MAEA: variants seen among roughly 807,000 people sequenced by gnomAD.
MAEA encodes the protein E3 ubiquitin-protein transferase MAEA.
MAEA carries 22 observed loss-of-function variants against 46.2 expected under a neutral mutation model. That is an observed-to-expected ratio of 0.48 (90% CI 0.34 to 0.68). The LOEUF is 0.68. MAEA is among the 30% of genes least tolerant of loss of function. The pLI, the probability that MAEA is intolerant of heterozygous loss-of-function variation, is 0.01. For synonymous variants in MAEA, 246 were observed against 222.6 expected (o/e 1.11, Z -0.94); for missense variants, 393 against 558.1 (o/e 0.70, Z 2.98).
chr4:1,328,691 G>A (rs1012314335), intron 5 of MAEA: 43 of 1,279,906 alleles, frequency 3.4e-5, no homozygotes, highest in African/African-American at 2.7e-4. Context: ...GGCGTCTCAC[G>A]ATGAGGTGCT....
intron 2 of MAEA, chr4:1,312,620 G>T: frequency 5.9e-6 from 1 of 168,876 alleles, no homozygotes; most frequent in Non-Finnish European, 1.3e-5. Context: ...AGTAGAGACA[G>T]GGTTTCACCA....
rs561346608 is a variant in MAEA, at chr4:1,338,670, G to A, written c.1095+53G>A. On this transcript the variant is annotated intron_variant, in intron 8 of 8. Coordinates refer to ENST00000303400, the MANE Select transcript of MAEA (RefSeq NM_001017405.3). ...GCTGGCACGCATCGCCATCGGGACA[G>A]GGCTGTGTGGGACGGGCAGGGCAGG... 2.9e-5 allele frequency: 44 copies of A among 1,520,322 alleles called. No homozygotes were observed. In the African/African-American group the frequency reaches 5.8e-4, roughly 20 times the overall value. 94.2% of individuals were successfully genotyped at this position (1,520,322 alleles called of 1,614,324 possible).
chr4:1,298,333 G>A (rs895446225), intron 1 of MAEA, among the ~76,000 whole-genome samples: 1 of 151,998 alleles, frequency 6.6e-6, no homozygotes, highest in Non-Finnish European at 1.5e-5. Flanking sequence ...GGCATGTGCC[G>A]TCTTCTGGTT....
chr4:1,325,585 C>G (rs1025143463), intron 4 of MAEA, among the ~76,000 whole-genome samples: 1 of 152,196 alleles, frequency 6.6e-6, no homozygotes, highest in Non-Finnish European at 1.5e-5. Context: ...TAGAGCACCC[C>G]CTCGGCAGCT....
chr4:1,322,070 C>T lies in MAEA; in HGVS notation c.457-311C>T, dbSNP rs537885197. Among the ~76,000 whole-genome samples the T allele has an allele frequency of 3.5e-4, 54 of 152,296 alleles. No homozygotes were observed. The South Asian group carries it at 0.011, about 30-fold the overall frequency. On this transcript the variant is annotated intron_variant, in intron 3 of 8. Coordinates refer to ENST00000303400, the MANE Select transcript of MAEA (RefSeq NM_001017405.3). ...GGAGACAGGGCCGCCTGGCATGTGG[C>T]CTGGCCCTGCCTGCATGTGTGTCTC...
chr4:1,311,451 TCA>T lies in MAEA; in HGVS notation c.70-523_70-522del, dbSNP rs1467719345. ...TTACGACTGGGGAAGGCAAACGCTG[TCA>T]CACAGGAGAGGTGTGGGTCGTGCAC... On this transcript the variant is annotated intron_variant, in intron 1 of 8. Coordinates refer to ENST00000303400, the MANE Select transcript of MAEA (RefSeq NM_001017405.3). The surrounding 1 kb of genome is among the most constrained non-coding windows in gnomAD (Gnocchi z 4.4). 6.6e-6 allele frequency among the ~76,000 whole-genome samples: 1 copy of T among 152,236 alleles called. No individual in the cohort carries two copies. The highest frequency in any genetic ancestry group is 6.5e-5 in the Admixed American group (1 of 15,288).
chr4:1,328,729 A>G, intron 5 of MAEA: 1 of 1,241,356 alleles, frequency 8.1e-7, no homozygotes, highest in Non-Finnish European at 1.0e-6. Flanking sequence ...CGCACGGCAG[A>G]ACCGCGGCAA....
intron 2 of MAEA, 147 bp from the exon 3 acceptor site, chr4:1,315,250 G>A (rs954590997): frequency 2.8e-5 from 20 of 703,796 alleles, no homozygotes; most frequent in East Asian, 5.5e-5. Context: ...CCTGCCTAGC[G>A]GACTCGGTAG....
chr4:1,309,859 G>T, intron 1 of MAEA: 1 of 1,310,814 alleles, frequency 7.6e-7, no homozygotes, highest in Non-Finnish European at 9.8e-7. Flanking sequence ...CCTGAGCAGC[G>T]TCAGCACCGC....
chr4:1,338,387 A>G (rs13147602), intron 7 of MAEA, 35 bp from the exon 8 acceptor site: 939,699 of 1,575,160 alleles, frequency 0.6, 285,980 homozygotes, highest in African/African-American at 0.88. Context: ...GGCTGCCCTG[A>G]GTGGCCCCCA....
chr4:1,317,110 C>T (rs1280440453), intron 3 of MAEA, among the ~76,000 whole-genome samples: 2 of 121,110 alleles, frequency 1.7e-5, no homozygotes, highest in Non-Finnish European at 3.6e-5. Context: ...ACCTGCAGGC[C>T]CACCCGGTCC....
chr4:1,334,291 G>A (rs1349961869), intron 6 of MAEA, among the ~76,000 whole-genome samples: 1 of 151,772 alleles, frequency 6.6e-6, no homozygotes, highest in Non-Finnish European at 1.5e-5. Flanking sequence ...AGAGGCCGGG[G>A]TGTTTCCCGG....
intron 1 of MAEA, among the ~76,000 whole-genome samples, chr4:1,305,867 C>G (rs1735780859): frequency 6.6e-6 from 1 of 152,250 alleles, no homozygotes; most frequent in Non-Finnish European, 1.5e-5. Flanking sequence ...TAGTTCCAGT[C>G]TCAGTCTCAA....
At chr4:1,309,602 G>A in intron 1 of MAEA, 2 of 1,510,894 alleles carry the variant, frequency 1.3e-6, no homozygotes, top group Middle Eastern at 2.2e-4. Flanking sequence ...GGAGGTGGGA[G>A]GAGCGTGCGC....
At chr4:1,323,987 T>C (rs921538377) in intron 4 of MAEA, among the ~76,000 whole-genome samples, 1 of 146,056 alleles carries the variant, frequency 6.8e-6, no homozygotes, top group Admixed American at 6.9e-5. Flanking sequence ...ATGCCTTGTG[T>C]TGGATGAGTT....
At chr4:1,306,616 C>T (rs1295057773) in intron 1 of MAEA, among the ~76,000 whole-genome samples, 2 of 152,194 alleles carry the variant, frequency 1.3e-5, no homozygotes, top group Non-Finnish European at 2.9e-5. Context: ...GTCAGCTGTG[C>T]TGTGAAGGCC....
At chr4:1,323,507 A>C in intron 4 of MAEA, 1 of 702,544 alleles carries the variant, frequency 1.4e-6, no homozygotes, top group East Asian at 2.7e-5. Context: ...CCGCCAAAAC[A>C]AGCACGAAGC....
intron 7 of MAEA, chr4:1,337,372 T>G (rs1712917030): frequency 1.1e-5 from 3 of 282,336 alleles, no homozygotes; most frequent in Non-Finnish European, 6.9e-6. Context: ...TGACTGACTC[T>G]GTCCCACCTG....
chr4:1,328,884 G>A (rs1256253921), intron 5 of MAEA: 5 of 1,018,488 alleles, frequency 4.9e-6, no homozygotes, highest in Non-Finnish European at 5.9e-6. Context: ...GTGCCTGAGA[G>A]GGCTAAAGCG....
Sources: allele counts gnomAD v4.1 joint callset (sites outside exome capture counted in the v4.1 genomes callset), GRCh38; gene constraint gnomAD v4.1.1; non-coding constraint Gnocchi (gnomAD v3.1); transcripts MANE v1.5; gene names NCBI Gene and HGNC (gene_info 2026-07-23, HGNC 2026-07-21).